The following NWD2 variants were observed in gnomAD, a reference collection of about 807,000 sequenced individuals.
The protein encoded by NWD2 is NACHT and WD repeat domain containing 2.
In NWD2, 37 loss-of-function variants were observed where a neutral mutation model predicts 132.7. The observed-to-expected ratio is 0.28, with a 90% CI of 0.21 to 0.37. NWD2 has a LOEUF of 0.37. NWD2 is among the 10% of genes least tolerant of loss of function. NWD2 has a pLI of 1.00. For missense variants in NWD2, 1,592 were observed against 2,122.4 expected, an observed-to-expected ratio of 0.75 and a Z score of 4.91; for synonymous variants, 705 against 803.0, an observed-to-expected ratio of 0.88 and a Z score of 2.06.
At chr4:37,355,909 T>TC (rs1318521646) in intron 2 of NWD2, among the ~76,000 whole-genome samples, 6 of 151,984 alleles carry the variant, frequency 3.9e-5, no homozygotes, top group Admixed American at 3.3e-4. Flanking sequence ...GGGCTTTTTT[T>TC]TTTTAAGAAA....
intron 2 of NWD2, among the ~76,000 whole-genome samples, chr4:37,333,083 A>G (rs2109291005): frequency 6.6e-6 from 1 of 152,212 alleles, no homozygotes; most frequent in African/African-American, 2.4e-5. Context: ...AGAATAGAAG[A>G]TCAGGTAGAA....
chr4:37,328,323 A>C (rs1290037184), intron 2 of NWD2, among the ~76,000 whole-genome samples: 1 of 152,154 alleles, frequency 6.6e-6, no homozygotes, highest in East Asian at 1.9e-4. Context: ...GTATACATGT[A>C]CCATGGTGGT....
intron 2 of NWD2, among the ~76,000 whole-genome samples, chr4:37,342,658 A>G (rs573579358): frequency 9.9e-5 from 15 of 152,034 alleles, no homozygotes; most frequent in Non-Finnish European, 1.5e-4. Context: ...CTCTTTCTCC[A>G]TGTTCATTAA....
intron 3 of NWD2, among the ~76,000 whole-genome samples, chr4:37,405,421 T>G (rs934695597): frequency 2.5e-4 from 36 of 141,408 alleles, no homozygotes; most frequent in Non-Finnish European, 4.3e-4. Context: ...TAGTTGAATG[T>G]AATAGAATAG....
At chr4:37,266,388 G>C (rs1416212697) in intron 1 of NWD2, among the ~76,000 whole-genome samples, 1 of 152,046 alleles carries the variant, frequency 6.6e-6, no homozygotes, top group Non-Finnish European at 1.5e-5. Flanking sequence ...ACCAAGTTCT[G>C]TCAGATCAGC....
At chr4:37,398,571 G>A (rs143955987) in intron 3 of NWD2, among the ~76,000 whole-genome samples, 3 of 152,132 alleles carry the variant, frequency 2.0e-5, no homozygotes, top group Admixed American at 2.0e-4. Context: ...ATATGGCAGG[G>A]ACAGGTTTCA....
At chr4:37,326,225 T>C (rs1215987497) in intron 2 of NWD2, among the ~76,000 whole-genome samples, 1 of 152,210 alleles carries the variant, frequency 6.6e-6, no homozygotes, top group Non-Finnish European at 1.5e-5. Context: ...TATGCTGTGC[T>C]TCTTGGACCC....
At chr4:37,440,136 AC>A (rs1163811724) in intron 6 of NWD2, among the ~76,000 whole-genome samples, 1 of 151,872 alleles carries the variant, frequency 6.6e-6, no homozygotes, top group Non-Finnish European at 1.5e-5. Context: ...AGCATCTCTT[AC>A]CTACAGTTGC....
chr4:37,422,091 A>C (rs1228384132), intron 3 of NWD2, among the ~76,000 whole-genome samples: 1 of 152,168 alleles, frequency 6.6e-6, no homozygotes, highest in East Asian at 1.9e-4. Flanking sequence ...ATGCAGTCAC[A>C]TGGGTAGTTA....
chr4:37,289,677 T>C (rs759157631), intron 1 of NWD2, among the ~76,000 whole-genome samples: 1 of 152,230 alleles, frequency 6.6e-6, no homozygotes, highest in Non-Finnish European at 1.5e-5. Flanking sequence ...CAGTGAAATG[T>C]ACAAATCCTA....
rs116845455 is a variant in NWD2 at position 37,269,311 on chromosome 4, G to A, written c.151+24093G>A. ...AAATGGTTGGTTGTACTTTTAATTA[G>A]GGAGCAATGCAAAACTGATGTCTAA... is the stretch of plus-strand genomic sequence containing the variant. On this transcript the variant is annotated intron_variant, in intron 1 of 6. Coordinates refer to ENST00000309447, the MANE Select transcript of NWD2 (RefSeq NM_001144990.2). Among the ~76,000 whole-genome samples the A allele has an allele frequency of 1.9e-3, 282 of 151,930 alleles. 7 individuals are homozygous for A. Among genetic ancestry groups the A allele is most frequent in the Admixed American group, 0.014 (220 of 15,236 alleles).
At chr4:37,385,741 T>C (rs1720550176) in intron 3 of NWD2, among the ~76,000 whole-genome samples, 1 of 152,132 alleles carries the variant, frequency 6.6e-6, no homozygotes, top group South Asian at 2.1e-4. Flanking sequence ...AGAAACTGGT[T>C]GGACAAGATG....
rs1290942828 is a variant in NWD2 at position 37,306,887 on chromosome 4, G to A, written c.152-19049G>A. 2.6e-4 allele frequency among the ~76,000 whole-genome samples: 39 copies of A among 152,100 alleles called. 1 individual carries two copies. The highest frequency in any genetic ancestry group is 1.5e-5 in the Non-Finnish European group (1 of 68,030). On this transcript the variant is annotated intron_variant, in intron 1 of 6. Coordinates refer to ENST00000309447, the MANE Select transcript of NWD2 (RefSeq NM_001144990.2). ...AAAATACAAAAAATTAGCCAGGCGT[G>A]GTGGCACACGCCTGTATTCACAGCT...
intron 1 of NWD2, among the ~76,000 whole-genome samples, chr4:37,255,180 C>A (rs1717489905): frequency 6.6e-6 from 1 of 152,108 alleles, no homozygotes; most frequent in African/African-American, 2.4e-5. Flanking sequence ...AGAGGCAGGA[C>A]AAACAACTAT....
chr4:37,313,371 T>C lies in NWD2; in HGVS notation c.152-12565T>C, dbSNP rs538630753. On this transcript the variant is annotated intron_variant, in intron 1 of 6. Transcript: ENST00000309447. The stretch of plus-strand genomic sequence containing the variant: ...TTTGGTCTTGGGAGGGTGTATGTGT[T>C]GAGGAATTTATCCATTTCTTCTAGA... 2.6e-4 allele frequency among the ~76,000 whole-genome samples: 39 copies of C among 150,990 alleles called. 2 individuals carry two copies. The highest frequency in any genetic ancestry group is 8.9e-4 in the African/African-American group (36 of 40,528).
chr4:37,391,509 G>T (rs776162801), intron 3 of NWD2, among the ~76,000 whole-genome samples: 2 of 152,124 alleles, frequency 1.3e-5, no homozygotes, highest in African/African-American at 4.8e-5. Context: ...AAGGTATAAG[G>T]TTAATAATTG....
chr4:37,286,994 G>A (rs1033774440), intron 1 of NWD2, among the ~76,000 whole-genome samples: 3 of 152,102 alleles, frequency 2.0e-5, no homozygotes, highest in African/African-American at 4.8e-5. Flanking sequence ...CAGAACTGAC[G>A]AGGTGACTGA....
At chr4:37,390,565 T>C (rs1047978289) in intron 3 of NWD2, among the ~76,000 whole-genome samples, 2 of 152,192 alleles carry the variant, frequency 1.3e-5, no homozygotes, top group Non-Finnish European at 2.9e-5. Context: ...CTGATTTATT[T>C]GGTCTCTAGT....
intron 1 of NWD2, among the ~76,000 whole-genome samples, chr4:37,265,743 A>G (rs1440910869): frequency 6.6e-6 from 1 of 151,836 alleles, no homozygotes. Flanking sequence ...CCTCCCTCTT[A>G]TAAGGACCCT....
Sources: allele counts gnomAD v4.1 joint callset (sites outside exome capture counted in the v4.1 genomes callset), GRCh38; gene constraint gnomAD v4.1.1; transcripts MANE v1.5; gene names NCBI Gene and HGNC (gene_info 2026-07-23, HGNC 2026-07-21).